Variants in UBL3 observed in about 807,000 individuals in gnomAD.
UBL3 encodes ubiquitin like 3.
Under a neutral mutation model 18.4 loss-of-function variants are expected in UBL3, and 6 were observed. That is an observed-to-expected ratio of 0.33 (90% CI 0.18 to 0.64). UBL3 has a LOEUF of 0.64. UBL3 is among the 30% of genes least tolerant of loss of function. UBL3 has a pLI of 0.76. For synonymous variants in UBL3, 49 were observed against 46.6 expected, an observed-to-expected ratio of 1.05 and a Z score of -0.21; for missense variants, 109 against 142.9, an observed-to-expected ratio of 0.76 and a Z score of 1.21.
intron 1 of UBL3, among the ~76,000 whole-genome samples, chr13:29,802,455 G>C (rs554494108): frequency 6.6e-6 from 1 of 152,116 alleles, no homozygotes; most frequent in Non-Finnish European, 1.5e-5. Flanking sequence ...TCCCAGCAGG[G>C]GTCCTCCAAC....
At chr13:29,820,181 T>G (rs934048281) in intron 1 of UBL3, among the ~76,000 whole-genome samples, 10 of 146,558 alleles carry the variant, frequency 6.8e-5, no homozygotes, top group African/African-American at 2.5e-4. Context: ...TTTTTTTTTT[T>G]TTTTTTTTTT....
intron 1 of UBL3, among the ~76,000 whole-genome samples, chr13:29,812,038 C>T (rs952769152): frequency 6.6e-6 from 1 of 151,996 alleles, no homozygotes; most frequent in Non-Finnish European, 1.5e-5. Flanking sequence ...TGTTCCTCTA[C>T]TTGAAATGCT....
At position 29,839,352 on chromosome 13, in the gene UBL3, T is replaced by C. The variant is rs1486782395; in HGVS notation, c.27+10160A>G. Among the ~76,000 whole-genome samples the C allele has an allele frequency of 2.6e-5, 4 of 152,100 alleles. No individual in the cohort carries two copies. In the South Asian group the frequency reaches 8.3e-4, roughly 32 times the overall value. ...ATATAGCTAGAAAATCCCCAAATGC[T>C]GAGAGCACAAGGGAAGTTTTAAAAT... is the stretch of plus-strand genomic sequence containing the variant. On this transcript the variant is annotated intron_variant, in intron 1 of 4. Coordinates refer to ENST00000380680, the MANE Select transcript of UBL3 (RefSeq NM_007106.4).
chr13:29,843,063 T>C (rs1318705097), intron 1 of UBL3, among the ~76,000 whole-genome samples: 1 of 152,174 alleles, frequency 6.6e-6, no homozygotes, highest in African/African-American at 2.4e-5. Flanking sequence ...AAAAAACAGC[T>C]GCTCAACAAG....
intron 1 of UBL3, among the ~76,000 whole-genome samples, chr13:29,795,788 C>T (rs1223396307): frequency 6.8e-6 from 1 of 147,654 alleles, no homozygotes; most frequent in Non-Finnish European, 1.5e-5. Flanking sequence ...GAGAGAGAGC[C>T]ATGTGTGGTG....
intron 1 of UBL3, among the ~76,000 whole-genome samples, chr13:29,815,085 T>A (rs1285708807): frequency 6.6e-6 from 1 of 152,148 alleles, no homozygotes; most frequent in African/African-American, 2.4e-5. Context: ...AACTATTAGT[T>A]CCCATCCCCT....
rs1593652881 is a variant in UBL3 at position 29,781,024 on chromosome 13, T to C, written c.28-3761A>G. ...CCCGGTCTCTAATAAAAATACAAAA[T>C]ATTAGCAGAGCATGGTGATGCGCGC... On this transcript the variant is annotated intron_variant, in intron 1 of 4. Coordinates refer to ENST00000380680, the MANE Select transcript of UBL3 (RefSeq NM_007106.4). 2.0e-5 allele frequency among the ~76,000 whole-genome samples: 3 copies of C among 151,972 alleles called. No homozygotes were observed. The South Asian group carries it at 6.2e-4, about 32-fold the overall frequency.
At chr13:29,809,623 C>T (rs1055277335) in intron 1 of UBL3, among the ~76,000 whole-genome samples, 7 of 152,050 alleles carry the variant, frequency 4.6e-5, no homozygotes, top group African/African-American at 1.7e-4. Context: ...CTGACAGACC[C>T]CTTAGAAGAC....
chr13:29,794,201 C>G (rs1877550939), intron 1 of UBL3, among the ~76,000 whole-genome samples: 2 of 152,072 alleles, frequency 1.3e-5, no homozygotes, highest in Admixed American at 1.3e-4. Flanking sequence ...TGAACACTTA[C>G]CAATACTGAA....
chr13:29,849,482 A>T, intron 1 of UBL3, 30 bp downstream of exon 1: 2 of 1,614,068 alleles, frequency 1.2e-6, no homozygotes, highest in South Asian at 1.1e-5. Context: ...ACCACAATTA[A>T]ATCAGTGTCA....
intron 2 of UBL3, among the ~76,000 whole-genome samples, chr13:29,772,563 C>T (rs1014067167): frequency 2.0e-5 from 3 of 152,016 alleles, no homozygotes; most frequent in South Asian, 2.1e-4. Context: ...TATTATAATG[C>T]TCCAATATTT....
intron 4 of UBL3, 115 bp from the exon 5 acceptor site, chr13:29,767,422 T>C: frequency 7.4e-7 from 1 of 1,353,368 alleles, no homozygotes; most frequent in Non-Finnish European, 1.0e-6. Flanking sequence ...ATGTTTGCAT[T>C]TTTCAAAATT....
chr13:29,841,439 TAAG>T (rs1367098397), intron 1 of UBL3, among the ~76,000 whole-genome samples: 2 of 152,206 alleles, frequency 1.3e-5, no homozygotes, highest in East Asian at 1.9e-4. Context: ...AATATATACA[TAAG>T]AAGACTCAAA....
At chr13:29,841,586 A>C (rs928398554) in intron 1 of UBL3, among the ~76,000 whole-genome samples, 2 of 152,166 alleles carry the variant, frequency 1.3e-5, no homozygotes, top group African/African-American at 2.4e-5. Context: ...CATTTCTACC[A>C]TGCTAGCTCA....
intron 1 of UBL3, among the ~76,000 whole-genome samples, chr13:29,785,220 T>G (rs1877280197): frequency 6.6e-6 from 1 of 152,206 alleles, no homozygotes; most frequent in Non-Finnish European, 1.5e-5. Context: ...ATTATCAATT[T>G]CTTGTTGTGA....
chr13:29,765,471 T>C lies in UBL3; in HGVS notation c.*1784A>G, dbSNP rs941404329. On this transcript the variant is annotated 3_prime_UTR_variant, in exon 5 of 5. Coordinates refer to ENST00000380680, the MANE Select transcript of UBL3 (RefSeq NM_007106.4). Reference sequence around the variant, plus strand: ...AACCAGGTTAAATATCAAAGATACATTGGGAATACTCCCCAAAACAACAAC... The same window carrying C: ...AACCAGGTTAAATATCAAAGATACACTGGGAATACTCCCCAAAACAACAAC... 2 of 152,146 alleles carry C rather than the reference T, an allele frequency of 1.3e-5. No individual in the cohort carries two copies. Among genetic ancestry groups the C allele is most frequent in the African/African-American group, 4.8e-5 (2 of 41,450 alleles). 9.4% of individuals were successfully genotyped at this position (152,146 alleles called of 1,614,324 possible).
At chr13:29,772,254 ACTAT>A (rs1013959380) in intron 2 of UBL3, 56 bp from the exon 3 acceptor site, 6 of 1,429,902 alleles carry the variant, frequency 4.2e-6, no homozygotes, top group Non-Finnish European at 5.7e-6. Context: ...TTAAGGTACT[ACTAT>A]ATTGTTTTAA....
chr13:29,835,320 T>A (rs1306043697), intron 1 of UBL3, among the ~76,000 whole-genome samples: 1 of 149,796 alleles, frequency 6.7e-6, no homozygotes, highest in Non-Finnish European at 1.5e-5. Flanking sequence ...ACTTTAGATG[T>A]CAGGAAAAGC....
At chr13:29,810,101 T>C (rs1878004474) in intron 1 of UBL3, among the ~76,000 whole-genome samples, 1 of 152,084 alleles carries the variant, frequency 6.6e-6, no homozygotes, top group South Asian at 2.1e-4. Context: ...TGCTGAGGTA[T>C]GTGATATGAA....
Sources: gnomAD v4.1 joint callset for allele counts (sites outside exome capture counted in the v4.1 genomes callset) on GRCh38, gnomAD v4.1.1 for gene constraint, MANE v1.5 for transcripts, NCBI Gene and HGNC (gene_info 2026-07-23, HGNC 2026-07-21) for gene names.